Variants in CCNY observed in about 807,000 individuals in gnomAD.
The protein encoded by CCNY is cyclin-Y.
Under a neutral mutation model 42.8 loss-of-function variants are expected in CCNY, and 19 were observed. That is an observed-to-expected ratio of 0.44 (90% CI 0.31 to 0.65). The LOEUF is 0.65. CCNY is among the 30% of genes least tolerant of loss of function. The probability of loss-of-function intolerance (pLI) is 0.07; values close to 1 mark genes in which losing one functional copy is unlikely to be tolerated. For missense variants in CCNY, 370 were observed against 437.3 expected (o/e 0.85, Z 1.37); for synonymous variants, 165 against 162.7 (o/e 1.01, Z -0.11).
chr10:35,274,685 AG>A (rs1342574167), intron 3 of CCNY, among the ~76,000 whole-genome samples: 5 of 152,214 alleles, frequency 3.3e-5, no homozygotes, highest in Non-Finnish European at 2.9e-5. Context: ...GACAGAAGGC[AG>A]GGAGCTAACG....
At chr10:35,526,895 C>T (rs1026606087) in intron 5 of CCNY, among the ~76,000 whole-genome samples, 4 of 152,164 alleles carry the variant, frequency 2.6e-5, no homozygotes, top group Admixed American at 6.5e-5. Context: ...GTATGTTACA[C>T]GAGTCTGCTA....
rs559448453 is a variant in CCNY, at chr10:35,559,132, C to G, written c.746+5947C>G. ...GCCTCTACCATTTTAGATGCATTCA[C>G]ATGTCATCATGAACAGAATGTTGTT... On this transcript the variant is annotated intron_variant, in intron 8 of 9. Coordinates refer to ENST00000374704, the MANE Select transcript of CCNY (RefSeq NM_145012.6). Among the ~76,000 whole-genome samples the G allele has an allele frequency of 5.6e-4, 86 of 152,312 alleles. No homozygotes were observed. The South Asian group carries it at 0.013, about 23-fold the overall frequency.
chr10:35,333,342 T>G (rs373703080), upstream of CCNY, among the ~76,000 whole-genome samples: 5 of 152,328 alleles, frequency 3.3e-5, no homozygotes, highest in South Asian at 6.2e-4. Flanking sequence ...TGCATATGGC[T>G]ACTCCTCAAC....
intron 3 of CCNY, among the ~76,000 whole-genome samples, chr10:35,291,143 T>A (rs1435955209): frequency 6.6e-6 from 1 of 152,050 alleles, no homozygotes; most frequent in Non-Finnish European, 1.5e-5. Context: ...GTAGCTGGGA[T>A]GACAAGCACC....
intron 1 of CCNY, among the ~76,000 whole-genome samples, chr10:35,422,756 G>A (rs1207370984): frequency 6.6e-6 from 1 of 152,152 alleles, no homozygotes; most frequent in Non-Finnish European, 1.5e-5. Flanking sequence ...AGAGAATTGT[G>A]CCATTTAAAT....
intron 3 of CCNY, among the ~76,000 whole-genome samples, chr10:35,290,608 A>G (rs757895901): frequency 6.6e-6 from 1 of 152,182 alleles, no homozygotes; most frequent in African/African-American, 2.4e-5. Flanking sequence ...GAAGTATACA[A>G]TTCAATGGTT....
At chr10:35,422,647 G>T (rs1838184126) in intron 1 of CCNY, among the ~76,000 whole-genome samples, 1 of 152,216 alleles carries the variant, frequency 6.6e-6, no homozygotes, top group Non-Finnish European at 1.5e-5. Flanking sequence ...GTTTATAATT[G>T]ATTAGGCCAA....
intron 3 of CCNY, among the ~76,000 whole-genome samples, chr10:35,270,361 A>C (rs1347233732): frequency 1.1e-4 from 16 of 152,170 alleles, no homozygotes; most frequent in Admixed American, 1.0e-3. Context: ...TGGAAGGGAC[A>C]AAAACATTCA....
chr10:35,569,020 C>G, intron 9 of CCNY, 34 bp from the exon 10 acceptor site: 1 of 1,418,982 alleles, frequency 7.0e-7, no homozygotes, highest in East Asian at 2.3e-5. Context: ...AGATATGGCC[C>G]GCCCTGACCC....
chr10:35,534,125 G>A (rs1357938537), intron 7 of CCNY, among the ~76,000 whole-genome samples: 1 of 151,716 alleles, frequency 6.6e-6, no homozygotes. Context: ...AGTTTCAAAC[G>A]ATTCTCCTGC....
At chr10:35,406,241 ATTTT>A (rs1554785130) in intron 1 of CCNY, among the ~76,000 whole-genome samples, 34 of 96,678 alleles carry the variant, frequency 3.5e-4, no homozygotes, top group Middle Eastern at 5.3e-3. Context: ...TTATTTATTT[ATTTT>A]TTTATTGATC....
intron 1 of CCNY, among the ~76,000 whole-genome samples, chr10:35,406,725 G>A (rs538236359): frequency 6.6e-6 from 1 of 152,252 alleles, no homozygotes; most frequent in South Asian, 2.1e-4. Flanking sequence ...ATCATGGCCT[G>A]TTCTCAATGA....
At chr10:35,261,122 G>GAAAAC (rs1253139854) in intron 3 of CCNY, among the ~76,000 whole-genome samples, 1 of 149,930 alleles carries the variant, frequency 6.7e-6, no homozygotes, top group East Asian at 2.0e-4. Context: ...AAAAACAAAA[G>GAAAAC]AAAACAAAAC....
chr10:35,519,854 C>G lies in CCNY; in HGVS notation c.365+3231C>G, dbSNP rs376238650. Among the ~76,000 whole-genome samples the G allele has an allele frequency of 9.6e-5, 13 of 135,702 alleles. No homozygotes were observed. The East Asian group carries it at 2.4e-3, about 25-fold the overall frequency. The allele number at this position is 135,702 out of a possible 152,430, so 89.0% of individuals were successfully genotyped here. ...AGTGCAGTGGCATGATCTCAGCTCA[C>G]TGTAACTCCGCCTCCCAGGCTCAAG... On this transcript the variant is annotated intron_variant, in intron 4 of 9. Transcript: ENST00000374704.
At chr10:35,257,527 GTTTGT>G (rs1261537791) in intron 3 of CCNY, among the ~76,000 whole-genome samples, 1 of 152,020 alleles carries the variant, frequency 6.6e-6, no homozygotes, top group East Asian at 1.9e-4. Flanking sequence ...TCTTGCTGTT[GTTTGT>G]TTTGTTTTCT....
At chr10:35,561,333 T>A (rs1262275448) in intron 8 of CCNY, among the ~76,000 whole-genome samples, 1 of 152,372 alleles carries the variant, frequency 6.6e-6, no homozygotes, top group East Asian at 1.9e-4. Flanking sequence ...GCTGCCCTGC[T>A]GCATTTTTCT....
At chr10:35,448,922 G>A (rs1281273502) in intron 1 of CCNY, among the ~76,000 whole-genome samples, 1 of 152,062 alleles carries the variant, frequency 6.6e-6, no homozygotes, top group Admixed American at 6.6e-5. Flanking sequence ...TAGACCCTGA[G>A]GCATGTCAAG....
At chr10:35,501,929 GCT>G (rs779621763) in intron 3 of CCNY, among the ~76,000 whole-genome samples, 24 of 152,152 alleles carry the variant, frequency 1.6e-4, no homozygotes, top group Non-Finnish European at 2.9e-4. Flanking sequence ...TTTCCATGAG[GCT>G]CTCTGTCTCC....
At chr10:35,548,991 A>G (rs1841180922) in intron 7 of CCNY, among the ~76,000 whole-genome samples, 1 of 152,190 alleles carries the variant, frequency 6.6e-6, no homozygotes, top group South Asian at 2.1e-4. Context: ...GAACACAGAA[A>G]AGTAATCTGA....
Sources: gnomAD v4.1 joint callset for allele counts (sites outside exome capture counted in the v4.1 genomes callset) on GRCh38, gnomAD v4.1.1 for gene constraint, MANE v1.5 for transcripts, NCBI Gene and HGNC (gene_info 2026-07-23, HGNC 2026-07-21) for gene names.